Variants in TCAIM observed in about 807,000 individuals in gnomAD.
The protein encoded by TCAIM is T cell activation inhibitor, mitochondrial, also known as T-cell activation inhibitor, mitochondrial.
Under a neutral mutation model 58.6 loss-of-function variants are expected in TCAIM, and 36 were observed. The observed-to-expected ratio is 0.61, with a 90% CI of 0.47 to 0.81. The LOEUF is 0.81. Among genes scored for constraint, TCAIM ranks in the 30% least tolerant of loss-of-function variants. The probability of loss-of-function intolerance (pLI) is 0.00; values close to 1 mark genes in which losing one functional copy is unlikely to be tolerated. For synonymous variants in TCAIM, 172 were observed against 193.6 expected, an observed-to-expected ratio of 0.89 and a Z score of 0.93; for missense variants, 466 against 579.6, an observed-to-expected ratio of 0.80 and a Z score of 2.01.
At chr3:44,387,234 A>G (rs1025872439) in intron 5 of TCAIM, among the ~76,000 whole-genome samples, 19 of 152,274 alleles carry the variant, frequency 1.2e-4, no homozygotes, top group African/African-American at 4.6e-4. Flanking sequence ...GCTGGCAGAA[A>G]GGAGCTACAC....
At chr3:44,342,473 T>C (rs952573208) in intron 1 of TCAIM, among the ~76,000 whole-genome samples, 1 of 152,222 alleles carries the variant, frequency 6.6e-6, no homozygotes, top group African/African-American at 2.4e-5. Context: ...TAAATCTAGT[T>C]TAGACCAGTT....
intron 5 of TCAIM, among the ~76,000 whole-genome samples, chr3:44,388,778 A>T (rs1701785107): frequency 6.6e-6 from 1 of 152,234 alleles, no homozygotes; most frequent in South Asian, 2.1e-4. Flanking sequence ...CTATGTCCCC[A>T]TCTTTCCTTG....
chr3:44,406,367 G>A (rs908445043), intron 10 of TCAIM, among the ~76,000 whole-genome samples: 15 of 152,218 alleles, frequency 9.9e-5, no homozygotes, highest in East Asian at 3.8e-4. Flanking sequence ...ATTGATAGAA[G>A]TTTAAGGGTT....
intron 1 of TCAIM, among the ~76,000 whole-genome samples, 167 bp from the exon 2 acceptor site, chr3:44,354,572 T>C (rs1042793228): frequency 6.6e-6 from 1 of 152,196 alleles, no homozygotes. Context: ...TATTTAGTCT[T>C]CCTGTTTCCT....
intron 3 of TCAIM, 40 bp downstream of exon 3, chr3:44,357,916 C>T (rs1439959832): frequency 6.2e-7 from 1 of 1,600,964 alleles, no homozygotes; most frequent in South Asian, 1.1e-5. Flanking sequence ...GTGTACATTT[C>T]TGCTTATTTA....
At chr3:44,392,667 T>C (rs757076825) in intron 5 of TCAIM, among the ~76,000 whole-genome samples, 188 bp from the exon 6 acceptor site, 1 of 152,252 alleles carries the variant, frequency 6.6e-6, no homozygotes, top group African/African-American at 2.4e-5. Context: ...CATTCTTTTT[T>C]ATGGCTGCAT....
intron 4 of TCAIM, among the ~76,000 whole-genome samples, chr3:44,364,605 G>C (rs1321689492): frequency 6.6e-6 from 1 of 151,894 alleles, no homozygotes; most frequent in African/African-American, 2.4e-5. Flanking sequence ...AACCAGGCGT[G>C]GTGGCATGTG....
chr3:44,361,076 T>G (rs887918390), intron 3 of TCAIM, among the ~76,000 whole-genome samples: 1 of 152,224 alleles, frequency 6.6e-6, no homozygotes, highest in Non-Finnish European at 1.5e-5. Flanking sequence ...TTTGGGATAT[T>G]TAGTCATTGG....
In TCAIM at chr3:44,349,566, A is replaced by T. The variant is rs187828385; in HGVS notation, c.-44-5173A>T. ...GGATACTTACCCCCCAGGGGAGGTT[A>T]TGCTTGCCACCAAAGTGAAGGATCA... On this transcript the variant is annotated intron_variant, in intron 1 of 10. Coordinates refer to ENST00000342649, the MANE Select transcript of TCAIM (RefSeq NM_173826.4). Among the ~76,000 whole-genome samples the T allele has an allele frequency of 7.5e-3, 1,140 of 152,188 alleles. 17 individuals are homozygous for T. Among genetic ancestry groups the T allele is most frequent in the Non-Finnish European group, 7.4e-3 (505 of 68,008 alleles).
chr3:44,388,437 TA>T (rs1701778878), intron 5 of TCAIM, among the ~76,000 whole-genome samples: 1 of 152,016 alleles, frequency 6.6e-6, no homozygotes, highest in Admixed American at 6.5e-5. Flanking sequence ...TGTTTGCTCA[TA>T]ATTAGAGTCA....
intron 5 of TCAIM, among the ~76,000 whole-genome samples, chr3:44,381,327 G>A (rs767602801): frequency 2.7e-4 from 41 of 152,072 alleles, no homozygotes; most frequent in African/African-American, 4.1e-4. Context: ...CAATCAGTGC[G>A]ATACACACTA....
rs190904366 is a variant in TCAIM, at chr3:44,390,345, C to T, written c.573-2510C>T. Reference sequence around the variant, plus strand: ...ACTAAAAATGGAATGAGGCCAGGTACAGTGGCTCACGCCTTTAATGCCAGC... The same window carrying T: ...ACTAAAAATGGAATGAGGCCAGGTATAGTGGCTCACGCCTTTAATGCCAGC... On this transcript the variant is annotated intron_variant, in intron 5 of 10. Coordinates refer to ENST00000342649, the MANE Select transcript of TCAIM (RefSeq NM_173826.4). 1.7e-3 allele frequency among the ~76,000 whole-genome samples: 260 copies of T among 152,330 alleles called. 2 individuals carry two copies. Among genetic ancestry groups the T allele is most frequent in the Non-Finnish European group, 5.6e-4 (38 of 68,024 alleles).
intron 1 of TCAIM, among the ~76,000 whole-genome samples, chr3:44,353,914 G>T (rs1359257118): frequency 6.6e-6 from 1 of 152,164 alleles, no homozygotes; most frequent in Non-Finnish European, 1.5e-5. Context: ...TCACAGAGCA[G>T]AATTTTTCAG....
chr3:44,367,751 G>T lies in TCAIM; in HGVS notation c.572+43G>T, dbSNP rs1426162208. ...TCTAACTAAACTGTATTTGTAGTTTGTGTTTATGACACTGATTTATTGGGA... is the reference window on the plus strand; with the variant it reads ...TCTAACTAAACTGTATTTGTAGTTTTTGTTTATGACACTGATTTATTGGGA... On this transcript the variant is annotated intron_variant, in intron 5 of 10. Coordinates refer to ENST00000342649, the MANE Select transcript of TCAIM (RefSeq NM_173826.4). 3 of 1,518,788 alleles carry T rather than the reference G, an allele frequency of 2.0e-6. No individual in the cohort carries two copies. The South Asian group carries it at 3.9e-5, about 20-fold the overall frequency. The allele number at this position is 1,518,788 out of a possible 1,614,324, so 94.1% of individuals were successfully genotyped here. A position where few individuals can be genotyped will look rare whatever the true frequency, so the allele number is the denominator to read the frequency against.
intron 3 of TCAIM, chr3:44,358,572 A>G (rs1701242962): frequency 3.4e-6 from 1 of 294,656 alleles, no homozygotes; most frequent in Non-Finnish European, 5.9e-6. Flanking sequence ...ATTAGATATT[A>G]TAAGTAATCT....
intron 5 of TCAIM, among the ~76,000 whole-genome samples, chr3:44,374,233 G>A (rs1701527431): frequency 6.7e-6 from 1 of 150,338 alleles, no homozygotes; most frequent in Non-Finnish European, 1.5e-5. Flanking sequence ...AATTACAAGT[G>A]ATAATGCACA....
At chr3:44,391,212 A>T (rs1701829229) in intron 5 of TCAIM, 3 of 151,394 alleles carry the variant, frequency 2.0e-5, no homozygotes, top group African/African-American at 7.3e-5. Flanking sequence ...TTTTAGATGG[A>T]GTCTCGCTCT....
intron 1 of TCAIM, among the ~76,000 whole-genome samples, chr3:44,341,955 A>G (rs892887544): frequency 6.6e-6 from 1 of 152,214 alleles, no homozygotes; most frequent in South Asian, 2.1e-4. Context: ...GAATATTTCT[A>G]GCATTTTGTC....
chr3:44,342,494 T>A (rs1191130861), intron 1 of TCAIM, among the ~76,000 whole-genome samples: 5 of 152,178 alleles, frequency 3.3e-5, no homozygotes, highest in Admixed American at 2.0e-4. Flanking sequence ...TCATCAAGAT[T>A]AACATTCTAA....
Sources: allele counts gnomAD v4.1 joint callset (sites outside exome capture counted in the v4.1 genomes callset), GRCh38; gene constraint gnomAD v4.1.1; transcripts MANE v1.5; gene names NCBI Gene and HGNC (gene_info 2026-07-23, HGNC 2026-07-21).